The following DPYSL5 variants were observed in gnomAD, a reference collection of about 807,000 sequenced individuals.
The protein encoded by DPYSL5 is dihydropyrimidinase like 5, also known as dihydropyrimidinase-related protein 5.
A neutral mutation model predicts 58.4 loss-of-function variants in DPYSL5; 9 were observed. The observed-to-expected ratio is 0.15, with a 90% confidence interval of 0.09 to 0.27. The LOEUF (loss-of-function observed/expected upper bound fraction) is 0.27. Among genes scored for constraint, DPYSL5 ranks in the 10% least tolerant of loss-of-function variants. DPYSL5 has a pLI of 1.00. For missense variants in DPYSL5, 499 were observed against 770.6 expected, an observed-to-expected ratio of 0.65 and a Z score of 4.17; for synonymous variants, 293 against 301.9, an observed-to-expected ratio of 0.97 and a Z score of 0.31.
At chr2:26,922,402 T>C (rs1045729773) in intron 2 of DPYSL5, among the ~76,000 whole-genome samples, 4 of 152,250 alleles carry the variant, frequency 2.6e-5, no homozygotes, top group Non-Finnish European at 5.9e-5. Context: ...TTGGCCTTTA[T>C]GAAGATGTAT....
At chr2:26,872,824 A>G (rs1663301199) in intron 1 of DPYSL5, among the ~76,000 whole-genome samples, 1 of 152,248 alleles carries the variant, frequency 6.6e-6, no homozygotes, top group South Asian at 2.1e-4. Context: ...TAAAAAAACA[A>G]AAAACGGCCG....
intron 1 of DPYSL5, among the ~76,000 whole-genome samples, chr2:26,890,039 G>A (rs866993157): frequency 6.6e-6 from 1 of 152,180 alleles, no homozygotes; most frequent in African/African-American, 2.4e-5. Flanking sequence ...GGAAGGGTAG[G>A]AATGTTTGGG....
At chr2:26,895,649 G>C (rs1663993431) in intron 1 of DPYSL5, among the ~76,000 whole-genome samples, 1 of 151,394 alleles carries the variant, frequency 6.6e-6, no homozygotes, top group Non-Finnish European at 1.5e-5. Flanking sequence ...TCACCATGTT[G>C]TACAATAGAG....
chr2:26,855,060 C>T (rs961488827), intron 1 of DPYSL5, among the ~76,000 whole-genome samples: 11 of 151,654 alleles, frequency 7.3e-5, no homozygotes, highest in African/African-American at 2.4e-4. Context: ...TCAGGTGATC[C>T]GCCCGCCTCA....
Position 26,942,211 on chromosome 2 carries a change from G to T in DPYSL5, c.1232+119G>T. 6.9e-7 allele frequency: 1 copy of T among 1,456,560 alleles called. No homozygotes were observed. 90.2% of individuals were successfully genotyped at this position (1,456,560 alleles called of 1,614,324 possible). A position where few individuals can be genotyped will look rare whatever the true frequency, so the allele number is the denominator to read the frequency against. On this transcript the variant is annotated intron_variant, in intron 10 of 12. Coordinates refer to ENST00000288699, the MANE Select transcript of DPYSL5 (RefSeq NM_020134.4). This position sits in a 1 kb window ranked among gnomAD's most constrained non-coding sequence, Gnocchi z 5.9. The stretch of plus-strand genomic sequence containing the variant: ...ATTTCTAGCACAAAATATGGCCCTG[G>T]CCTACCGTTGGCCATCTTCTCCCTC...
intron 1 of DPYSL5, among the ~76,000 whole-genome samples, chr2:26,878,278 C>T (rs1206795358): frequency 1.3e-5 from 2 of 152,146 alleles, no homozygotes; most frequent in Non-Finnish European, 2.9e-5. Flanking sequence ...TGCCTATTAG[C>T]TATTTATGTC....
intron 1 of DPYSL5, among the ~76,000 whole-genome samples, chr2:26,884,076 T>C (rs991115647): frequency 6.6e-6 from 1 of 151,982 alleles, no homozygotes; most frequent in African/African-American, 2.4e-5. Flanking sequence ...CCAGGGGAGA[T>C]GATGGAATTA....
In DPYSL5 at chr2:26,925,138, C is replaced by T. The variant is rs1281057529; in HGVS notation, c.420+93C>T. 5 of 1,467,452 alleles carry T rather than the reference C, an allele frequency of 3.4e-6. No individual in the cohort carries two copies. The highest frequency in any genetic ancestry group is 4.6e-5 in the East Asian group (2 of 43,028). The allele number at this position is 1,467,452 out of a possible 1,614,324, so 90.9% of individuals were successfully genotyped here. On this transcript the variant is annotated intron_variant, in intron 3 of 12. Transcript: ENST00000288699. This position sits in a 1 kb window ranked among gnomAD's most constrained non-coding sequence, Gnocchi z 4.5. The stretch of plus-strand genomic sequence containing the variant: ...TGCAGTGCCTCCTGCTTGTGTGGGG[C>T]ACCCCTCCCACTACCATCCTAGCTC...
intron 4 of DPYSL5, 85 bp from the exon 5 acceptor site, chr2:26,928,170 A>G: frequency 5.8e-6 from 8 of 1,379,782 alleles, no homozygotes; most frequent in South Asian, 2.4e-5. Flanking sequence ...GGTGTCTAGC[A>G]TATTTCACTG....
At chr2:26,929,078 G>A (rs1380027180) in intron 5 of DPYSL5, among the ~76,000 whole-genome samples, 1 of 151,926 alleles carries the variant, frequency 6.6e-6, no homozygotes, top group Non-Finnish European at 1.5e-5. Flanking sequence ...GAGCCCCCTG[G>A]GCTCCACCTC....
intron 1 of DPYSL5, among the ~76,000 whole-genome samples, chr2:26,865,431 C>T (rs1300573024): frequency 1.3e-5 from 2 of 151,440 alleles, no homozygotes; most frequent in Non-Finnish European, 2.9e-5. Flanking sequence ...AGCAATTCTC[C>T]TGCCTCAGCC....
rs1328993584 is a variant in DPYSL5, at chr2:26,927,509, C to T, written c.600+77C>T. 1.1e-4 allele frequency: 161 copies of T among 1,518,126 alleles called. 2 individuals are homozygous for T. In the East Asian group the frequency reaches 3.4e-3, roughly 32 times the overall value. 94.0% of individuals were successfully genotyped at this position (1,518,126 alleles called of 1,614,324 possible). On this transcript the variant is annotated intron_variant, in intron 4 of 12. Coordinates refer to ENST00000288699, the MANE Select transcript of DPYSL5 (RefSeq NM_020134.4). This position sits in a 1 kb window ranked among gnomAD's most constrained non-coding sequence, Gnocchi z 4.3. Reference sequence around the variant, plus strand: ...AGTTCTCAGGGGATTCCTGACCACCCGTCACTGATCCCACAGGATTCAGAC... The same window carrying T: ...AGTTCTCAGGGGATTCCTGACCACCTGTCACTGATCCCACAGGATTCAGAC...
chr2:26,851,370 T>A (rs1290963395), intron 1 of DPYSL5, among the ~76,000 whole-genome samples: 1 of 46,674 alleles, frequency 2.1e-5, no homozygotes, highest in African/African-American at 2.2e-4. Context: ...GCGTAACCTC[T>A]CTAGGTGCAA....
At position 26,891,379 on chromosome 2, in the gene DPYSL5, G is replaced by A. The variant is rs190617079; in HGVS notation, c.-4-7117G>A. On this transcript the variant is annotated intron_variant, in intron 1 of 12. Transcript: ENST00000288699. ...ATTTCCAGGACCAGCCCAGGCCTGC[G>A]TGAATGGGATTCCTGGGCCAGAGAG... Among the ~76,000 whole-genome samples the A allele has an allele frequency of 2.2e-4, 34 of 152,250 alleles. No homozygotes were observed. The East Asian group carries it at 5.0e-3, about 22-fold the overall frequency.
intron 1 of DPYSL5, among the ~76,000 whole-genome samples, chr2:26,875,706 G>T (rs977944205): frequency 2.3e-4 from 35 of 152,284 alleles, no homozygotes; most frequent in African/African-American, 8.4e-4. Flanking sequence ...GGTGGCTGGG[G>T]GTGGGAAAGA....
At chr2:26,887,393 T>C (rs540787461) in intron 1 of DPYSL5, among the ~76,000 whole-genome samples, 10 of 152,314 alleles carry the variant, frequency 6.6e-5, no homozygotes, top group Non-Finnish European at 1.5e-4. Context: ...GGGGCAGCCG[T>C]GCAGGCCAGA....
Position 26,942,537 on chromosome 2 carries a change from C to A in DPYSL5, c.1233-6C>A. 1 of 1,613,318 alleles carries A rather than the reference C, an allele frequency of 6.2e-7. No homozygotes were observed. The highest frequency in any genetic ancestry group is 1.1e-5 in the South Asian group (1 of 90,862). ...GCTTTCTCTCCCGCCATTGCCTCCC[C>A]ACCAGGACCATCTCAGCCAGCACGC... On this transcript the variant is annotated splice_region_variant and splice_polypyrimidine_tract_variant and intron_variant, in intron 10 of 12. Coordinates refer to ENST00000288699, the MANE Select transcript of DPYSL5 (RefSeq NM_020134.4). The surrounding 1 kb of genome is among the most constrained non-coding windows in gnomAD (Gnocchi z 5.9).
Position 26,942,582 on chromosome 2 carries a change from C to A in DPYSL5, c.1272C>A (p.Phe424Leu). Reference protein sequence around the residue: ...SASTQVQGGDFNLYENMRCHG... With the variant: ...SASTQVQGGDLNLYENMRCHG... ...GCACGCAGGTCCAGGGAGGAGACTT[C>A]AACCTGTATGAGAACATGCGCTGCC... The change falls in exon 11 of 13, where the codon TTC becomes TTA. Residue 424 changes from phenylalanine (F) to leucine (L), a missense_variant. Transcript: ENST00000288699. This position sits in a 1 kb window ranked among gnomAD's most constrained non-coding sequence, Gnocchi z 5.9. 1.9e-6 allele frequency: 3 copies of A among 1,614,154 alleles called. No individual in the cohort carries two copies. Among genetic ancestry groups the A allele is most frequent in the Non-Finnish European group, 2.5e-6 (3 of 1,180,040 alleles).
intron 1 of DPYSL5, among the ~76,000 whole-genome samples, chr2:26,895,781 T>TC (rs1383492463): frequency 1.4e-5 from 2 of 138,774 alleles, no homozygotes; most frequent in Non-Finnish European, 3.1e-5. Flanking sequence ...TTTTCTTTTT[T>TC]TTTTTTTTTT....
Sources: allele counts gnomAD v4.1 joint callset (sites outside exome capture counted in the v4.1 genomes callset), GRCh38; gene constraint gnomAD v4.1.1; non-coding constraint Gnocchi (gnomAD v3.1); transcripts MANE v1.5; gene names NCBI Gene and HGNC (gene_info 2026-07-23, HGNC 2026-07-21).